SPART: variants seen among roughly 807,000 people sequenced by gnomAD.
The protein encoded by SPART is spartin.
SPART carries 35 observed loss-of-function variants against 58.7 expected under a neutral mutation model. That is an observed-to-expected ratio of 0.60 (90% confidence interval 0.46 to 0.79). The LOEUF (loss-of-function observed/expected upper bound fraction) is 0.79. Ranked by LOEUF, SPART falls within the 30% of genes least tolerant of loss-of-function variation. SPART has a pLI of 0.00. For missense variants in SPART, 730 were observed against 786.1 expected, an observed-to-expected ratio of 0.93 and a Z score of 0.85; for synonymous variants, 284 against 280.7, an observed-to-expected ratio of 1.01 and a Z score of -0.12.
At chr13:36,347,861 A>G (rs1008633049), upstream of SPART, among the ~76,000 whole-genome samples, 6 of 152,248 alleles carry the variant, frequency 3.9e-5, no homozygotes, top group Non-Finnish European at 8.8e-5. Context: ...CCAATTTAAT[A>G]TCTAAAATCA....
intron 8 of SPART, among the ~76,000 whole-genome samples, chr13:36,309,206 T>C (rs935118070): frequency 9.5e-5 from 14 of 147,908 alleles, no homozygotes; most frequent in Admixed American, 7.5e-4. Flanking sequence ...ATTGCGCCAC[T>C]GCACTCCAGC....
chr13:36,333,459 C>T lies in SPART; in HGVS notation c.810+1562G>A, dbSNP rs1292138551. 3.0e-4 allele frequency among the ~76,000 whole-genome samples: 41 copies of T among 137,392 alleles called. 1 individual carries two copies. In the South Asian group the frequency reaches 5.0e-3, roughly 17 times the overall value. 90.1% of individuals were successfully genotyped at this position (137,392 alleles called of 152,430 possible). A position where few individuals can be genotyped will look rare whatever the true frequency, so the allele number is the denominator to read the frequency against. On this transcript the variant is annotated intron_variant, in intron 2 of 8. Coordinates refer to ENST00000438666, the MANE Select transcript of SPART (RefSeq NM_015087.5). The stretch of plus-strand genomic sequence containing the variant: ...TTTTTTTTTTTTGGATAAAAACATT[C>T]AGTAAACACATATGTTAACTCCTTT...
At chr13:36,322,423 G>C (rs1015572130) in intron 5 of SPART, among the ~76,000 whole-genome samples, 2 of 146,456 alleles carry the variant, frequency 1.4e-5, no homozygotes, top group Non-Finnish European at 3.0e-5. Flanking sequence ...CTCCGACTTG[G>C]GTAACAGAGC....
chr13:36,337,186 G>C (rs1288060507), intron 1 of SPART, among the ~76,000 whole-genome samples: 1 of 152,220 alleles, frequency 6.6e-6, no homozygotes, highest in Non-Finnish European at 1.5e-5. Flanking sequence ...AAATTACAGA[G>C]ATAAATAATT....
intron 5 of SPART, among the ~76,000 whole-genome samples, chr13:36,315,002 T>C (rs1331170038): frequency 1.3e-5 from 2 of 152,242 alleles, no homozygotes; most frequent in Admixed American, 1.3e-4. Context: ...CAGCACCGTT[T>C]AGCTTGCTAC....
In SPART at chr13:36,304,442, C is replaced by T; in HGVS notation, c.1924G>A (p.Ala642Thr). 6.2e-7 allele frequency: 1 copy of T among 1,614,114 alleles called. No individual in the cohort carries two copies. The highest frequency in any genetic ancestry group is 1.1e-5 in the South Asian group (1 of 91,080). ...DNSQRENQEG[A>T]ANVNVRGEKD... ...TCCCCTCTCACGTTGACATTTGCTG[C>T]TCCTTCTTGATTTTCCCTCTGAGAA... Residue 642 changes from alanine (A) to threonine (T), a missense_variant, in exon 9 of 9, where the codon GCA becomes ACA. Physicochemically the swap from Ala to Thr is moderately conservative, Grantham distance 58. Transcript: ENST00000438666.
chr13:36,351,310 GA>G (rs35745992), upstream of SPART, among the ~76,000 whole-genome samples: 599 of 135,128 alleles, frequency 4.4e-3, 1 homozygote, highest in Non-Finnish European at 4.6e-3. Context: ...CTCTAATTTT[GA>G]AAAAAAAAAA....
At chr13:36,305,286 T>C (rs1320150790) in intron 8 of SPART, among the ~76,000 whole-genome samples, 1 of 152,106 alleles carries the variant, frequency 6.6e-6, no homozygotes, top group Non-Finnish European at 1.5e-5. Context: ...TCTAACCTGT[T>C]TAAATTGCCT....
intron 5 of SPART, among the ~76,000 whole-genome samples, chr13:36,315,065 A>C (rs971448929): frequency 6.6e-6 from 1 of 152,248 alleles, no homozygotes; most frequent in African/African-American, 2.4e-5. Flanking sequence ...AGTAGAGAAA[A>C]TCTAAAAGAA....
At chr13:36,304,795 A>C (rs1278620363) in intron 8 of SPART, among the ~76,000 whole-genome samples, 163 bp from the exon 9 acceptor site, 1 of 152,244 alleles carries the variant, frequency 6.6e-6, no homozygotes. Context: ...GTAGAGAATG[A>C]AATCACACTC....
At chr13:36,353,172 T>G (rs1312864913) in intron 1 of SPART, among the ~76,000 whole-genome samples, 1 of 152,124 alleles carries the variant, frequency 6.6e-6, no homozygotes, top group Non-Finnish European at 1.5e-5. Context: ...TGTCTAGAAA[T>G]GTAGGAAAAA....
In SPART at chr13:36,314,234, C is replaced by T; in HGVS notation, c.1476G>A (p.Gln492=). Reference sequence around the variant, plus strand: ...TATCTAGAATTACTTTACCCAGGAACTGACTGACTTTTGCTGCTCCTCCTG... The same window carrying T: ...TATCTAGAATTACTTTACCCAGGAATTGACTGACTTTTGCTGCTCCTCCTG... ...QATGGAAKVS[Q]FLVDGVCTVA... The change falls in exon 6 of 9, where the codon CAG becomes CAA. Residue 492 remains glutamine, a synonymous_variant. Transcript: ENST00000438666. The T allele has an allele frequency of 6.2e-7, 1 of 1,613,988 alleles. No individual in the cohort carries two copies. Among genetic ancestry groups the T allele is most frequent in the East Asian group, 2.2e-5 (1 of 44,870 alleles).
At chr13:36,319,567 AAGTT>A (rs1882142436) in intron 5 of SPART, among the ~76,000 whole-genome samples, 1 of 151,710 alleles carries the variant, frequency 6.6e-6, no homozygotes, top group Admixed American at 6.6e-5. Context: ...CAAGCCTTAC[AAGTT>A]AGTTCAGGAT....
intron 1 of SPART, among the ~76,000 whole-genome samples, chr13:36,339,824 T>C (rs183828651): frequency 2.6e-5 from 4 of 152,126 alleles, no homozygotes; most frequent in African/African-American, 9.6e-5. Flanking sequence ...CCCAGCACTT[T>C]AGGAGACTGA....
chr13:36,364,544 C>G (rs752574952), intron 1 of SPART, among the ~76,000 whole-genome samples: 2 of 152,100 alleles, frequency 1.3e-5, no homozygotes, highest in Non-Finnish European at 2.9e-5. Context: ...CAATCCCACG[C>G]TTTGTCAGAA....
intron 5 of SPART, among the ~76,000 whole-genome samples, chr13:36,324,160 G>A (rs1297030412): frequency 6.6e-6 from 1 of 152,216 alleles, no homozygotes; most frequent in Admixed American, 6.5e-5. Context: ...TTCCCAGAGG[G>A]AAGTGGGGTC....
chr13:36,318,668 G>A (rs1473923173), intron 5 of SPART, among the ~76,000 whole-genome samples: 2 of 152,108 alleles, frequency 1.3e-5, no homozygotes, highest in Non-Finnish European at 2.9e-5. Flanking sequence ...CGCCTGAACC[G>A]CAGTGGCCAG....
Position 36,335,399 on chromosome 13 carries a change from G to C in SPART, c.432C>G (p.Asn144Lys). The change falls in exon 2 of 9, where the codon AAC becomes AAG. Residue 144 changes from asparagine (N) to lysine (K), a missense_variant. Physicochemically the swap from Asn to Lys is moderately conservative, Grantham distance 94. Coordinates refer to ENST00000438666, the MANE Select transcript of SPART (RefSeq NM_015087.5). ...CTGCCCCTGCACTTGGAGTTGAGGT[G>C]TTTCCATTTACTTCAGCATGCTGAG... Reference protein sequence around the residue: ...SAPQHAEVNGNTSTPSAGAVA... With the variant: ...SAPQHAEVNGKTSTPSAGAVA... 6.2e-7 allele frequency: 1 copy of C among 1,614,060 alleles called. No individual in the cohort carries two copies. The highest frequency in any genetic ancestry group is 1.1e-5 in the South Asian group (1 of 91,080).
intron 4 of SPART, among the ~76,000 whole-genome samples, chr13:36,328,129 A>T (rs890209332): frequency 6.6e-6 from 1 of 152,200 alleles, no homozygotes; most frequent in Non-Finnish European, 1.5e-5. Context: ...ATTTTAAAAC[A>T]ACATTTTTAA....
Sources: allele counts gnomAD v4.1 joint callset (sites outside exome capture counted in the v4.1 genomes callset), GRCh38; gene constraint gnomAD v4.1.1; transcripts MANE v1.5; gene names NCBI Gene and HGNC (gene_info 2026-07-23, HGNC 2026-07-21).